The following ADGRE3 variants were observed in gnomAD, a reference collection of about 807,000 sequenced individuals.
ADGRE3 encodes the protein EGF-like module receptor 3.
In ADGRE3, 88 loss-of-function variants were observed where a neutral mutation model predicts 80.1. The observed-to-expected ratio is 1.10, with a 90% CI of 0.93 to 1.31. ADGRE3 has a LOEUF of 1.31. Among genes scored for constraint, ADGRE3 ranks in the 40% most tolerant of loss-of-function variants. The pLI is 0.00. For missense variants in ADGRE3, 715 were observed against 776.5 expected (o/e 0.92, Z 0.94); for synonymous variants, 281 against 294.8 (o/e 0.95, Z 0.48).
chr19:14,610,265 T>C, the ADGRE3 span: 5 of 1,531,608 alleles, frequency 3.3e-6, no homozygotes, highest in Non-Finnish European at 4.4e-6. Flanking sequence ...TGCCCTTTCG[T>C]GGACGGCCTT....
At chr19:14,633,349 C>A (rs370790081) in intron 11 of ADGRE3, 47 bp from the exon 12 acceptor site, 2 of 1,411,096 alleles carry the variant, frequency 1.4e-6, no homozygotes, top group Non-Finnish European at 2.0e-6. Flanking sequence ...AGAGAAAGTG[C>A]GTGAGATCAA....
intron 1 of ADGRE3, among the ~76,000 whole-genome samples, chr19:14,672,892 T>A (rs1972292973): frequency 6.6e-6 from 1 of 152,036 alleles, no homozygotes; most frequent in Non-Finnish European, 1.5e-5. Flanking sequence ...GGATTATAGG[T>A]ATGAGCCTCC....
chr19:14,635,704 C>T (rs1971018406), intron 11 of ADGRE3, among the ~76,000 whole-genome samples: 1 of 152,050 alleles, frequency 6.6e-6, no homozygotes, highest in Non-Finnish European at 1.5e-5. Context: ...TGAGTCACTG[C>T]GCCCAGCTTT....
chr19:14,627,052 G>C (rs879785312), intron 14 of ADGRE3, among the ~76,000 whole-genome samples: 2 of 152,198 alleles, frequency 1.3e-5, no homozygotes, highest in Non-Finnish European at 2.9e-5. Flanking sequence ...CTGCCACACC[G>C]TGATATCCTA....
chr19:14,614,039 C>T, the ADGRE3 span, among the ~76,000 whole-genome samples: 1 of 152,226 alleles, frequency 6.6e-6, no homozygotes, highest in Non-Finnish European at 1.5e-5. Flanking sequence ...GGCTGGAGTG[C>T]AGTGGCATTT....
Position 14,633,704 on chromosome 19 carries a change from C to CAAAA in ADGRE3, c.1485-406_1485-403dup, listed in dbSNP as rs1288396434. Among the ~76,000 whole-genome samples, 169 of 73,600 alleles carry CAAAA rather than the reference C, an allele frequency of 2.3e-3. 3 individuals are homozygous for CAAAA. The highest frequency in any genetic ancestry group is 7.3e-3 in the African/African-American group (143 of 19,506). The allele number at this position is 73,600 out of a possible 152,430, so 48.3% of individuals were successfully genotyped here. ...TGGGCGACAGACTGAGACTCCGTCT[C>CAAAA]AAAAAAAATAAAATAAAATAAAATA... On this transcript the variant is annotated intron_variant, in intron 11 of 15. Transcript: ENST00000253673.
At chr19:14,627,525 G>C (rs1473137684) in intron 14 of ADGRE3, among the ~76,000 whole-genome samples, 1 of 152,006 alleles carries the variant, frequency 6.6e-6, no homozygotes, top group Non-Finnish European at 1.5e-5. Flanking sequence ...TTACAGGCAG[G>C]TGCCACCACT....
intron 3 of ADGRE3, among the ~76,000 whole-genome samples, chr19:14,662,715 C>G (rs563799707): frequency 2.0e-5 from 3 of 151,856 alleles, no homozygotes; most frequent in Non-Finnish European, 2.9e-5. Flanking sequence ...AATGAACGGC[C>G]AAGTTTCCAA....
At chr19:14,643,220 G>A (rs533693116) in intron 9 of ADGRE3, among the ~76,000 whole-genome samples, 3 of 146,552 alleles carry the variant, frequency 2.0e-5, no homozygotes, top group South Asian at 2.2e-4. Context: ...ATCTCGGTTC[G>A]CTGCAACCTC....
intron 11 of ADGRE3, among the ~76,000 whole-genome samples, chr19:14,636,698 G>C (rs1484775708): frequency 1.3e-5 from 2 of 152,112 alleles, no homozygotes; most frequent in Non-Finnish European, 2.9e-5. Context: ...TCTCTGACCT[G>C]CTTCCTACTA....
chr19:14,617,355 T>C (rs575907891), downstream of ADGRE3, among the ~76,000 whole-genome samples: 1 of 103,894 alleles, frequency 9.6e-6, no homozygotes, highest in East Asian at 3.1e-4. Flanking sequence ...TCTTTCTTTC[T>C]TTCTTTCTTT....
chr19:14,644,699 T>C (rs1971351923), intron 8 of ADGRE3, among the ~76,000 whole-genome samples: 1 of 152,072 alleles, frequency 6.6e-6, no homozygotes, highest in Non-Finnish European at 1.5e-5. Context: ...AAGGCACCTG[T>C]GTGAAGAGTG....
In ADGRE3 at chr19:14,641,077, C is replaced by T. The variant is rs148661825; in HGVS notation, c.1248+342G>A. ...GATATTTGCCTTCCCATAATTTGTG[C>T]CCCTAGAGAGCCAAGATCTTTTTCC... On this transcript the variant is annotated intron_variant, in intron 10 of 15. Transcript: ENST00000253673. Among the ~76,000 whole-genome samples, 88 of 152,252 alleles carry T rather than the reference C, an allele frequency of 5.8e-4. No homozygotes were observed. The East Asian group carries it at 5.8e-3, about 10-fold the overall frequency.
At chr19:14,666,757 C>T (rs1972118305) in intron 2 of ADGRE3, among the ~76,000 whole-genome samples, 1 of 152,150 alleles carries the variant, frequency 6.6e-6, no homozygotes, top group South Asian at 2.1e-4. Flanking sequence ...CACAATTCTC[C>T]TGGGGGGACA....
chr19:14,600,297 A>G, the ADGRE3 span: 13 of 1,284,760 alleles, frequency 1.0e-5, no homozygotes, highest in Non-Finnish European at 1.4e-5. Context: ...CTTTTCAGTT[A>G]CTAAAACTTT....
At chr19:14,654,476 G>A (rs1971697767) in intron 6 of ADGRE3, among the ~76,000 whole-genome samples, 1 of 151,500 alleles carries the variant, frequency 6.6e-6, no homozygotes, top group South Asian at 2.1e-4. Context: ...TGTTGCCCAG[G>A]CCAGTCTTGA....
At chr19:14,636,076 CTTTCCCTTTCTTTCTTTCTTTCTTT>C (rs1971049675) in intron 11 of ADGRE3, among the ~76,000 whole-genome samples, 8 of 69,140 alleles carry the variant, frequency 1.2e-4, no homozygotes, top group African/African-American at 3.6e-4. Flanking sequence ...CTTTCCTTTC[CTTTCCCTTTCTTTCTTTCTTTCTTT>C]CTTTCTTTCT....
intron 15 of ADGRE3, 36 bp downstream of exon 15, chr19:14,625,456 T>C: frequency 7.8e-7 from 1 of 1,287,624 alleles, no homozygotes; most frequent in African/African-American, 1.5e-5. Context: ...GAGAGGAGTA[T>C]GTAAAACATT....
rs79265415 is a variant in ADGRE3 at position 14,644,695 on chromosome 19, C to T, written c.883-420G>A. The stretch of plus-strand genomic sequence containing the variant: ...TGCCAGGGTGCCACCTGCTAAGGCA[C>T]CTGTGTGAAGAGTGACTCAGGTGAT... On this transcript the variant is annotated intron_variant, in intron 8 of 15. Coordinates refer to ENST00000253673, the MANE Select transcript of ADGRE3 (RefSeq NM_032571.5). 8.8e-3 allele frequency among the ~76,000 whole-genome samples: 1,335 copies of T among 152,136 alleles called. 48 individuals carry two copies. The highest frequency in any genetic ancestry group is 0.061 in the East Asian group (314 of 5,146).
Sources: gnomAD v4.1 joint callset for allele counts (sites outside exome capture counted in the v4.1 genomes callset) on GRCh38, gnomAD v4.1.1 for gene constraint, MANE v1.5 for transcripts, NCBI Gene and HGNC (gene_info 2026-07-23, HGNC 2026-07-21) for gene names.